PACS2: variants seen among roughly 807,000 people sequenced by gnomAD.
PACS2 encodes PACS1-like protein.
PACS2 carries 36 observed loss-of-function variants against 113.0 expected under a neutral mutation model. The observed-to-expected ratio is 0.32, with a 90% CI of 0.24 to 0.42. The LOEUF is 0.42. Among genes scored for constraint, PACS2 ranks in the 10% least tolerant of loss-of-function variants. The pLI, the probability that PACS2 is intolerant of heterozygous loss-of-function variation, is 1.00. For synonymous variants in PACS2, 589 were observed against 536.1 expected, an observed-to-expected ratio of 1.10 and a Z score of -1.36; for missense variants, 1,015 against 1,239.5, an observed-to-expected ratio of 0.82 and a Z score of 2.72.
Position 105,314,948 on chromosome 14 carries a change from C to T in PACS2, c.30C>T (p.Pro10=), listed in dbSNP as rs2058500634. The T allele has an allele frequency of 8.5e-7, 1 of 1,172,588 alleles. No individual in the cohort carries two copies. The highest frequency in any genetic ancestry group is 1.1e-6 in the Non-Finnish European group (1 of 930,488). The allele number at this position is 1,172,588 out of a possible 1,614,324, so 72.6% of individuals were successfully genotyped here. MAERGRLGL[P]GAPGALNTPV... Reference sequence around the variant, plus strand: ...CCGAGCGAGGCCGCCTCGGCCTCCCCGGCGCGCCCGGCGCGCTCAACACGC... The same window carrying T: ...CCGAGCGAGGCCGCCTCGGCCTCCCTGGCGCGCCCGGCGCGCTCAACACGC... The change falls in exon 1 of 25, where the codon CCC becomes CCT. Residue 10 remains proline, a synonymous_variant. Coordinates refer to ENST00000447393, the MANE Select transcript of PACS2 (RefSeq NM_001100913.3).
rs1434171319 is a variant in PACS2, at chr14:105,357,295, T to C, written c.423+2118T>C. On this transcript the variant is annotated intron_variant, in intron 4 of 24. Coordinates refer to ENST00000447393, the MANE Select transcript of PACS2 (RefSeq NM_001100913.3). This position sits in a 1 kb window ranked among gnomAD's most constrained non-coding sequence, Gnocchi z 5.1. ...ACCCCAGGTCACACCAGCCACATCG[T>C]CTGCTGCTTGAAATCCCATCATCTG... 2.6e-5 allele frequency among the ~76,000 whole-genome samples: 4 copies of C among 151,870 alleles called. No homozygotes were observed. The highest frequency in any genetic ancestry group is 7.3e-5 in the African/African-American group (3 of 41,302).
chr14:105,343,462 C>T (rs150054839), intron 1 of PACS2, among the ~76,000 whole-genome samples: 1 of 152,278 alleles, frequency 6.6e-6, no homozygotes, highest in African/African-American at 2.4e-5. Flanking sequence ...TGCCATGTGG[C>T]GTTCTGCACG....
At chr14:105,384,494 C>T in intron 17 of PACS2, 31 bp downstream of exon 17, 1 of 1,473,270 alleles carries the variant, frequency 6.8e-7, no homozygotes, top group Non-Finnish European at 9.4e-7. Context: ...CAGCCCACGC[C>T]ACGGCGGGAG....
In PACS2 at chr14:105,368,084, C is replaced by T. The variant is rs587710550; in HGVS notation, c.597C>T (p.Ser199=). The T allele has an allele frequency of 1.9e-5, 30 of 1,608,084 alleles. No individual in the cohort carries two copies. The highest frequency in any genetic ancestry group is 4.0e-5 in the African/African-American group (3 of 74,944). Residue 199 remains serine, a synonymous_variant, in exon 6 of 25, where the codon TCC becomes TCT. Coordinates refer to ENST00000447393, the MANE Select transcript of PACS2 (RefSeq NM_001100913.3). ...CTGTTCATTCCGCAGATAACTACTC[C>T]GAGGAGGAGTATGAGAGCTTCTCCT... ...GPKAKSTDNY[S]EEEYESFSSE...
rs1595714096 is a variant in PACS2, at chr14:105,366,693, A to C, written c.424-520A>C. Among the ~76,000 whole-genome samples the C allele has an allele frequency of 6.6e-6, 1 of 152,136 alleles. No homozygotes were observed. The highest frequency in any genetic ancestry group is 2.1e-4 in the South Asian group (1 of 4,822). On this transcript the variant is annotated intron_variant, in intron 4 of 24. Coordinates refer to ENST00000447393, the MANE Select transcript of PACS2 (RefSeq NM_001100913.3). This position sits in a 1 kb window ranked among gnomAD's most constrained non-coding sequence, Gnocchi z 4.3. Reference sequence around the variant, plus strand: ...GTGCTGGGCTCCTCCTTGGTCCCCCACAGACACTGGTCCCTGGGCATTGGC... The same window carrying C: ...GTGCTGGGCTCCTCCTTGGTCCCCCCCAGACACTGGTCCCTGGGCATTGGC...
At chr14:105,303,310 C>G (rs2058090536) in intron 1 of PACS2, among the ~76,000 whole-genome samples, 1 of 152,186 alleles carries the variant, frequency 6.6e-6, no homozygotes, top group East Asian at 1.9e-4. Context: ...GTGGTGCGAT[C>G]TTGGCTCACT....
intron 1 of PACS2, among the ~76,000 whole-genome samples, chr14:105,346,539 C>G (rs1440547479): frequency 9.7e-6 from 1 of 103,054 alleles, no homozygotes; most frequent in Non-Finnish European, 2.0e-5. Context: ...ACTTCCCCCC[C>G]ACCCCCTGCA....
chr14:105,361,077 C>T (rs1349238022), intron 4 of PACS2, among the ~76,000 whole-genome samples: 2 of 152,258 alleles, frequency 1.3e-5, no homozygotes, highest in Admixed American at 6.5e-5. Context: ...CCTTCCTGCA[C>T]TGAAGCCTTG....
rs587712830 is a variant in PACS2, at chr14:105,334,271, G to A, written c.120-14222G>A. On this transcript the variant is annotated intron_variant, in intron 1 of 24. Coordinates refer to ENST00000447393, the MANE Select transcript of PACS2 (RefSeq NM_001100913.3). ...GCTGCAGAGGCAGTGCCAGCTAGCT[G>A]AGTGGGTCAGGCCACAGACCCCACC... is the stretch of plus-strand genomic sequence containing the variant. 6.4e-4 allele frequency among the ~76,000 whole-genome samples: 98 copies of A among 152,386 alleles called. No individual in the cohort carries two copies. In the South Asian group the frequency reaches 7.0e-3, roughly 11 times the overall value.
In PACS2 at chr14:105,379,817, G is replaced by A. The variant is rs2080915902; in HGVS notation, c.1038G>A (p.Glu346=). ...TCCACAGCGCCCGCAGCCACAAGGA[G>A]CCCCCAAGCCCGGTGAGTGGGGCCA... The part of the protein sequence containing the change: ...GSIHSARSHK[E]PPSPADVPEK... Residue 346 remains glutamate (E), a synonymous_variant, in exon 10 of 25, where the codon GAG becomes GAA. Coordinates refer to ENST00000447393, the MANE Select transcript of PACS2 (RefSeq NM_001100913.3). The A allele has an allele frequency of 2.5e-6, 4 of 1,613,378 alleles. No homozygotes were observed. In the Admixed American group the frequency reaches 6.7e-5, roughly 27 times the overall value.
intron 22 of PACS2, chr14:105,392,138 C>T (rs781913448): frequency 9.8e-5 from 33 of 337,372 alleles, no homozygotes; most frequent in Admixed American, 1.4e-4. Flanking sequence ...GCTGAGGCCC[C>T]GCTAGCCCGC....
At chr14:105,346,191 A>G (rs2059910997) in intron 1 of PACS2, among the ~76,000 whole-genome samples, 1 of 152,196 alleles carries the variant, frequency 6.6e-6, no homozygotes, top group African/African-American at 2.4e-5. Context: ...CTGGACTTAA[A>G]TACATCGAAC....
Position 105,368,084 on chromosome 14 carries a change from CGAG to C in PACS2, c.604_606del (p.Glu202del). 6.2e-7 allele frequency: 1 copy of C among 1,608,084 alleles called. No homozygotes were observed. On this transcript the variant is annotated inframe_deletion, in exon 6 of 25. Coordinates refer to ENST00000447393, the MANE Select transcript of PACS2 (RefSeq NM_001100913.3). ...CTGTTCATTCCGCAGATAACTACTC[CGAG>C]GAGGAGTATGAGAGCTTCTCCTCCG...
rs587651172 is a variant in PACS2 at position 105,373,644 on chromosome 14, C to T, written c.802-3124C>T. ...TCTACTAAAAATACAAAAAATTGGCCGGGCATGGTGGTATGCACCTGTAAT... is the reference window on the plus strand; with the variant it reads ...TCTACTAAAAATACAAAAAATTGGCTGGGCATGGTGGTATGCACCTGTAAT... On this transcript the variant is annotated intron_variant, in intron 8 of 24. Transcript: ENST00000447393. Among the ~76,000 whole-genome samples the T allele has an allele frequency of 8.5e-5, 13 of 152,120 alleles. No homozygotes were observed. The East Asian group carries it at 1.9e-3, about 23-fold the overall frequency.
At chr14:105,337,302 G>A (rs2059565159) in intron 1 of PACS2, among the ~76,000 whole-genome samples, 1 of 152,188 alleles carries the variant, frequency 6.6e-6, no homozygotes, top group African/African-American at 2.4e-5. Flanking sequence ...ATGGGGAGTT[G>A]GGGTTGAATG....
At chr14:105,328,527 C>G (rs928102240) in intron 1 of PACS2, among the ~76,000 whole-genome samples, 1 of 152,246 alleles carries the variant, frequency 6.6e-6, no homozygotes, top group Admixed American at 6.5e-5. Context: ...CTCGAGGACA[C>G]TGGCAGCAGT....
intron 1 of PACS2, among the ~76,000 whole-genome samples, chr14:105,318,263 A>G (rs1234957448): frequency 2.6e-5 from 4 of 152,048 alleles, no homozygotes; most frequent in African/African-American, 7.2e-5. Flanking sequence ...GATTACAGGT[A>G]TGAGCCCCTG....
At chr14:105,314,514 T>C (rs1314096262), upstream of PACS2, 1 of 145,088 alleles carries the variant, frequency 6.9e-6, no homozygotes, top group Non-Finnish European at 1.5e-5. Flanking sequence ...GAGTGCGCGC[T>C]CTCGCGCACC....
In PACS2 at chr14:105,315,989, C is replaced by T. The variant is rs756086541; in HGVS notation, c.119+952C>T. Among the ~76,000 whole-genome samples the T allele has an allele frequency of 5.9e-5, 9 of 152,332 alleles. No individual in the cohort carries two copies. In the East Asian group the frequency reaches 1.3e-3, roughly 23 times the overall value. On this transcript the variant is annotated intron_variant, in intron 1 of 24. Coordinates refer to ENST00000447393, the MANE Select transcript of PACS2 (RefSeq NM_001100913.3). This position sits in a 1 kb window ranked among gnomAD's most constrained non-coding sequence, Gnocchi z 4.4. ...GCCAGTATGCCTGGAGGGGACCCCACGTGGCATTGAGTTGTTCCACCCCTA... is the reference window on the plus strand; with the variant it reads ...GCCAGTATGCCTGGAGGGGACCCCATGTGGCATTGAGTTGTTCCACCCCTA...
Sources: allele counts gnomAD v4.1 joint callset (sites outside exome capture counted in the v4.1 genomes callset), GRCh38; gene constraint gnomAD v4.1.1; non-coding constraint Gnocchi (gnomAD v3.1); transcripts MANE v1.5; gene names NCBI Gene and HGNC (gene_info 2026-07-23, HGNC 2026-07-21).